SMARCC1: variants seen among roughly 807,000 people sequenced by gnomAD.
SMARCC1 encodes SWI/SNF complex subunit SMARCC1.
In SMARCC1, 43 loss-of-function variants were observed where a neutral mutation model predicts 147.4. The observed-to-expected ratio is 0.29, with a 90% CI of 0.23 to 0.38. The LOEUF is 0.38. SMARCC1 is among the 10% of genes least tolerant of loss of function. SMARCC1 has a pLI of 1.00. For missense variants in SMARCC1, 1,119 were observed against 1,381.1 expected, an observed-to-expected ratio of 0.81 and a Z score of 3.01; for synonymous variants, 495 against 484.4, an observed-to-expected ratio of 1.02 and a Z score of -0.29.
Position 47,675,322 on chromosome 3 carries a change from C to T in SMARCC1, c.1839+153G>A, listed in dbSNP as rs558016054. Among the ~76,000 whole-genome samples, 10 of 152,124 alleles carry T rather than the reference C, an allele frequency of 6.6e-5. No individual in the cohort carries two copies. The South Asian group carries it at 1.9e-3, about 28-fold the overall frequency. ...CTCTAATAGTGTTATTTTTAAAATA[C>T]CTATCTACTAAGTCATATAGGAATA... On this transcript the variant is annotated intron_variant, in intron 18 of 27. Transcript: ENST00000254480.
chr3:47,625,882 C>T (rs1024779850), intron 24 of SMARCC1, among the ~76,000 whole-genome samples: 4 of 151,422 alleles, frequency 2.6e-5, no homozygotes, highest in African/African-American at 7.3e-5. Context: ...AGAGGCCAGG[C>T]GCAGTTGCCT....
intron 25 of SMARCC1, among the ~76,000 whole-genome samples, chr3:47,619,901 T>A (rs932899281): frequency 1.3e-5 from 2 of 152,192 alleles, no homozygotes; most frequent in African/African-American, 2.4e-5. Flanking sequence ...ACTGGGCTAC[T>A]CATCATGAGG....
intron 18 of SMARCC1, among the ~76,000 whole-genome samples, chr3:47,675,207 T>G (rs2106754465): frequency 6.6e-6 from 1 of 152,360 alleles, no homozygotes; most frequent in Middle Eastern, 3.4e-3. Flanking sequence ...ATCAAATAAT[T>G]TCAAGTATAC....
chr3:47,669,703 G>A (rs1175488687), intron 19 of SMARCC1, among the ~76,000 whole-genome samples: 1 of 152,004 alleles, frequency 6.6e-6, no homozygotes, highest in Non-Finnish European at 1.5e-5. Flanking sequence ...GTTGGGGGGA[G>A]AACCAGAAAA....
At chr3:47,732,152 T>G (rs768928918) in intron 5 of SMARCC1, among the ~76,000 whole-genome samples, 3 of 152,260 alleles carry the variant, frequency 2.0e-5, no homozygotes, top group Non-Finnish European at 4.4e-5. Context: ...GGCATTTTTA[T>G]GTTCTGAAAA....
intron 26 of SMARCC1, among the ~76,000 whole-genome samples, chr3:47,597,483 C>T (rs1301072307): frequency 2.0e-5 from 3 of 152,108 alleles, no homozygotes; most frequent in Non-Finnish European, 2.9e-5. Flanking sequence ...CCCGCCACCA[C>T]GCCCGGCTAA....
intron 21 of SMARCC1, among the ~76,000 whole-genome samples, chr3:47,644,057 C>T (rs1275105020): frequency 6.6e-6 from 1 of 152,088 alleles, no homozygotes; most frequent in Non-Finnish European, 1.5e-5. Flanking sequence ...CATGGTGATA[C>T]GGTGGTCCTG....
In SMARCC1 at chr3:47,662,929, A is replaced by G. The variant is rs190938021; in HGVS notation, c.1900-337T>C. Reference sequence around the variant, plus strand: ...CATCTCTACTAAAAATACAAAAATTAGCTGGGCATGGTGGTGCGTGCCTGT... The same window carrying G: ...CATCTCTACTAAAAATACAAAAATTGGCTGGGCATGGTGGTGCGTGCCTGT... On this transcript the variant is annotated intron_variant, in intron 19 of 27. Transcript: ENST00000254480. 1.6e-3 allele frequency among the ~76,000 whole-genome samples: 240 copies of G among 150,972 alleles called. 6 individuals carry two copies. The East Asian group carries it at 0.04, about 25-fold the overall frequency.
chr3:47,622,167 T>A (rs2032744202), intron 25 of SMARCC1, 40 bp downstream of exon 25: 1 of 1,574,580 alleles, frequency 6.4e-7, no homozygotes, highest in African/African-American at 1.4e-5. Flanking sequence ...TGACCAAGGT[T>A]TAATTGTGAA....
At chr3:47,664,577 G>C (rs1559638832) in intron 19 of SMARCC1, among the ~76,000 whole-genome samples, 1 of 152,162 alleles carries the variant, frequency 6.6e-6, no homozygotes, top group African/African-American at 2.4e-5. Flanking sequence ...ACAGTAGAAA[G>C]AAAACCACAA....
intron 21 of SMARCC1, among the ~76,000 whole-genome samples, chr3:47,660,362 C>T (rs539936801): frequency 4.3e-4 from 62 of 144,434 alleles, no homozygotes; most frequent in Non-Finnish European, 7.0e-4. Flanking sequence ...AGGAAAATGG[C>T]GTGAACCAGG....
At chr3:47,724,222 G>A (rs565548122) in intron 6 of SMARCC1, among the ~76,000 whole-genome samples, 1 of 152,274 alleles carries the variant, frequency 6.6e-6, no homozygotes, top group South Asian at 2.1e-4. Context: ...GTTCATTACA[G>A]CAGTATTCAC....
chr3:47,678,452 T>G, intron 15 of SMARCC1, 141 bp from the exon 16 acceptor site: 1 of 455,074 alleles, frequency 2.2e-6, no homozygotes, highest in East Asian at 3.4e-5. Context: ...GATATTATAT[T>G]GCACATTTAA....
rs528806944 is a variant in SMARCC1 at position 47,700,944 on chromosome 3, A to G, written c.1165+334T>C. Among the ~76,000 whole-genome samples the G allele has an allele frequency of 6.6e-5, 10 of 152,274 alleles. No homozygotes were observed. In the South Asian group the frequency reaches 1.9e-3, roughly 28 times the overall value. On this transcript the variant is annotated intron_variant, in intron 11 of 27. Coordinates refer to ENST00000254480, the MANE Select transcript of SMARCC1 (RefSeq NM_003074.4). ...AGAACTTCAAATTTGCATCCACATA[A>G]AGCATTCCCTAGAGATTTCAATAAG...
chr3:47,699,979 T>C (rs1378382696), intron 11 of SMARCC1, among the ~76,000 whole-genome samples: 2 of 152,104 alleles, frequency 1.3e-5, no homozygotes, highest in Non-Finnish European at 2.9e-5. Flanking sequence ...ATATGCTTCA[T>C]ATACATCTTA....
chr3:47,682,905 C>A (rs148973991), intron 14 of SMARCC1, among the ~76,000 whole-genome samples: 1 of 152,144 alleles, frequency 6.6e-6, no homozygotes, highest in African/African-American at 2.4e-5. Context: ...GATAACAAGA[C>A]TGAGACACTT....
intron 5 of SMARCC1, among the ~76,000 whole-genome samples, chr3:47,731,560 T>G (rs913124776): frequency 1.3e-5 from 2 of 152,214 alleles, no homozygotes; most frequent in Non-Finnish European, 2.9e-5. Context: ...AGCAGCTCTA[T>G]CTTTACAAAA....
chr3:47,738,029 C>T lies in SMARCC1; in HGVS notation c.483G>A (p.Gln161=), dbSNP rs2106831347. 2 of 1,587,714 alleles carry T rather than the reference C, an allele frequency of 1.3e-6. No individual in the cohort carries two copies. Among genetic ancestry groups the T allele is most frequent in the Non-Finnish European group, 1.7e-6 (2 of 1,166,718 alleles). ...TAAATAACCTAAGTTTCCAAGTTAC[C>T]TGCACCAATGTTTTTTCAATGTTCA... ...MFMNIEKTLV[Q]NNCLTRPNIY... is the part of the protein sequence containing the mutation. Residue 161 remains glutamine (Q), a splice_region_variant and synonymous_variant, in exon 4 of 28, where the codon CAG becomes CAA. Transcript: ENST00000254480.
chr3:47,663,987 C>A (rs1267168652), intron 19 of SMARCC1: 1 of 1,021,306 alleles, frequency 9.8e-7, no homozygotes, highest in Non-Finnish European at 1.4e-6. Context: ...AACCCAGGAG[C>A]AAGCACTGGC....
Sources: gnomAD v4.1 joint callset for allele counts (sites outside exome capture counted in the v4.1 genomes callset) on GRCh38, gnomAD v4.1.1 for gene constraint, MANE v1.5 for transcripts, NCBI Gene and HGNC (gene_info 2026-07-23, HGNC 2026-07-21) for gene names.